Variants in NR2F1-AS1 observed in about 807,000 individuals in gnomAD.
NR2F1-AS1 encodes NR2F1 antisense RNA 1.
intron 4 of NR2F1-AS1, among the ~76,000 whole-genome samples, chr5:93,535,975 T>G (rs975169488): frequency 6.6e-6 from 1 of 151,846 alleles, no homozygotes; most frequent in Non-Finnish European, 1.5e-5. Flanking sequence ...GAGAAAGAAA[T>G]AAAAGACATG....
intron 4 of NR2F1-AS1, among the ~76,000 whole-genome samples, chr5:93,454,741 C>A (rs1187097292): frequency 6.6e-6 from 1 of 152,092 alleles, no homozygotes; most frequent in African/African-American, 2.4e-5. Flanking sequence ...TCACCAATGG[C>A]CAATGACTTA....
At chr5:93,493,907 T>C (rs1750904101) in intron 4 of NR2F1-AS1, among the ~76,000 whole-genome samples, 1 of 152,118 alleles carries the variant, frequency 6.6e-6, no homozygotes, top group South Asian at 2.1e-4. Context: ...AAAGAAACCA[T>C]ACACTTAAAT....
intron 4 of NR2F1-AS1, among the ~76,000 whole-genome samples, chr5:93,524,818 G>A (rs759490080): frequency 1.3e-5 from 2 of 152,140 alleles, no homozygotes; most frequent in African/African-American, 2.4e-5. Flanking sequence ...GAGAGATTTT[G>A]TCACCACCAG....
intron 4 of NR2F1-AS1, among the ~76,000 whole-genome samples, chr5:93,495,678 T>C (rs1750944367): frequency 6.6e-6 from 1 of 152,124 alleles, no homozygotes; most frequent in Non-Finnish European, 1.5e-5. Flanking sequence ...TAAATACATG[T>C]ACTTTATAAA....
intron 2 of NR2F1-AS1, among the ~76,000 whole-genome samples, chr5:93,561,674 G>A (rs1406231765): frequency 6.6e-6 from 1 of 151,996 alleles, no homozygotes; most frequent in Non-Finnish European, 1.5e-5. Flanking sequence ...ATATGAGACT[G>A]AGGCGGAAGG....
intron 4 of NR2F1-AS1, among the ~76,000 whole-genome samples, chr5:93,501,096 T>G (rs1330200644): frequency 6.6e-6 from 1 of 152,110 alleles, no homozygotes; most frequent in African/African-American, 2.4e-5. Context: ...AGCAGGAGTT[T>G]GGAAGAAGTT....
At chr5:93,412,769 C>T (rs920065819) in intron 4 of NR2F1-AS1, among the ~76,000 whole-genome samples, 1 of 152,124 alleles carries the variant, frequency 6.6e-6, no homozygotes, top group African/African-American at 2.4e-5. Flanking sequence ...GATTAGATTG[C>T]CTCCTTTCAT....
chr5:93,495,279 G>T (rs1420359121), intron 4 of NR2F1-AS1, among the ~76,000 whole-genome samples: 2 of 151,980 alleles, frequency 1.3e-5, no homozygotes, highest in East Asian at 1.9e-4. Context: ...ACATGTGGTT[G>T]TTCTTTTCCA....
At chr5:93,466,894 A>C (rs1750244108) in intron 4 of NR2F1-AS1, among the ~76,000 whole-genome samples, 1 of 103,470 alleles carries the variant, frequency 9.7e-6, no homozygotes, top group African/African-American at 3.8e-5. Context: ...TCTCCAGAAT[A>C]TCCCTTTTTT....
intron 4 of NR2F1-AS1, among the ~76,000 whole-genome samples, chr5:93,497,754 G>A (rs186689596): frequency 2.0e-5 from 3 of 152,214 alleles, no homozygotes; most frequent in East Asian, 1.9e-4. Flanking sequence ...GAAGAAAAAC[G>A]ATGGCAAATG....
intron 1 of NR2F1-AS1, among the ~76,000 whole-genome samples, chr5:93,572,683 C>G (rs998349856): frequency 6.6e-6 from 1 of 152,244 alleles, no homozygotes; most frequent in Non-Finnish European, 1.5e-5. Flanking sequence ...CTTTTCCCCC[C>G]ACCGAGCAAA....
At position 93,505,513 on chromosome 5, in the gene NR2F1-AS1, CAGCAAACTT is replaced by C. The variant is rs566284415; in HGVS notation, n.638+48239_638+48247del. Among the ~76,000 whole-genome samples, 400 of 152,342 alleles carry C rather than the reference CAGCAAACTT, an allele frequency of 2.6e-3. 1 individual carries two copies. The highest frequency in any genetic ancestry group is 3.4e-3 in the Middle Eastern group (1 of 294). The stretch of plus-strand genomic sequence containing the variant: ...GTTCTCCATGAGGGCCCTGCCCCTG[CAGCAAACTT>C]TTGTCTGTGCATCCTGGAGTTTCCA... On this transcript the variant is annotated intron_variant and non_coding_transcript_variant, in intron 4 of 5. Transcript: ENST00000660523.
intron 4 of NR2F1-AS1, among the ~76,000 whole-genome samples, chr5:93,426,385 G>A (rs1405755532): frequency 1.3e-5 from 2 of 152,148 alleles, no homozygotes; most frequent in African/African-American, 2.4e-5. Flanking sequence ...GCAGGGCAAT[G>A]CTCCTTGCCA....
chr5:93,431,090 G>A (rs1749303581), intron 4 of NR2F1-AS1, among the ~76,000 whole-genome samples: 1 of 152,126 alleles, frequency 6.6e-6, no homozygotes, highest in Non-Finnish European at 1.5e-5. Context: ...GATGTCTTCA[G>A]CTGGAATGCC....
At chr5:93,510,071 T>A (rs1751264964) in intron 4 of NR2F1-AS1, among the ~76,000 whole-genome samples, 1 of 152,130 alleles carries the variant, frequency 6.6e-6, no homozygotes, top group African/African-American at 2.4e-5. Flanking sequence ...ACTTAGATTG[T>A]AAATAGAATG....
intron 4 of NR2F1-AS1, among the ~76,000 whole-genome samples, chr5:93,442,927 C>G (rs892637956): frequency 1.3e-5 from 2 of 152,220 alleles, no homozygotes; most frequent in Admixed American, 1.3e-4. Flanking sequence ...CCCAGGCAAA[C>G]AGGGTCTGGA....
At chr5:93,458,747 T>C (rs565280056) in intron 4 of NR2F1-AS1, among the ~76,000 whole-genome samples, 3 of 152,280 alleles carry the variant, frequency 2.0e-5, no homozygotes, top group Non-Finnish European at 4.4e-5. Flanking sequence ...CAGTGGCTCA[T>C]GCCTGTAATC....
chr5:93,544,411 T>C (rs964452324), intron 4 of NR2F1-AS1, among the ~76,000 whole-genome samples: 12 of 152,152 alleles, frequency 7.9e-5, no homozygotes, highest in Non-Finnish European at 1.5e-4. Context: ...TATATAATTA[T>C]ATGGGTTGGC....
At chr5:93,549,155 C>T (rs578173850) in intron 4 of NR2F1-AS1, among the ~76,000 whole-genome samples, 55 of 151,874 alleles carry the variant, frequency 3.6e-4, no homozygotes, top group African/African-American at 5.6e-4. Context: ...TCAAGGTAGC[C>T]AAAGCATAAA....
Sources: gnomAD v4.1 joint callset for allele counts (sites outside exome capture counted in the v4.1 genomes callset) on GRCh38, gnomAD v4.1.1 for gene constraint, MANE v1.5 for transcripts, NCBI Gene and HGNC (gene_info 2026-07-23, HGNC 2026-07-21) for gene names.